Variants in EHBP1L1 observed in about 807,000 individuals in gnomAD.
EHBP1L1 encodes EH domain binding protein 1 like 1, also known as EH domain-binding protein 1-like protein 1.
A neutral mutation model predicts 151.1 loss-of-function variants in EHBP1L1; 122 were observed. The ratio of observed to expected loss-of-function variants is 0.81; its 90% CI spans 0.70 to 0.94. EHBP1L1 has a LOEUF of 0.94. Among genes scored for constraint, EHBP1L1 ranks in the 40% least tolerant of loss-of-function variants. The pLI, the probability that EHBP1L1 is intolerant of heterozygous loss-of-function variation, is 0.00. For synonymous variants in EHBP1L1, 878 were observed against 810.1 expected, an observed-to-expected ratio of 1.08 and a Z score of -1.42; for missense variants, 1,941 against 1,959.8, an observed-to-expected ratio of 0.99 and a Z score of 0.18.
rs1429315099 is a variant in EHBP1L1, at chr11:65,576,364, T to A, written c.62T>A (p.Val21Glu). ...VGKRAAKFQFVACYHELVLEC... is the reference protein window; with the variant it reads ...VGKRAAKFQFEACYHELVLEC... ...AAGCGGGCGGCCAAGTTCCAGTTCG[T>A]GGCCTGTTACCACGAGCTAGTGTTG... Residue 21 changes from valine to glutamate, a missense_variant, in exon 1 of 19, where the codon GTG (valine) becomes GAG (glutamate). Coordinates refer to ENST00000309295, the MANE Select transcript of EHBP1L1 (RefSeq NM_001099409.3). The A allele has an allele frequency of 6.3e-7, 1 of 1,598,266 alleles. No individual in the cohort carries two copies. Among genetic ancestry groups the A allele is most frequent in the Non-Finnish European group, 8.5e-7 (1 of 1,172,986 alleles).
chr11:65,590,326 C>G, intron 15 of EHBP1L1, 116 bp downstream of exon 15: 1 of 1,529,686 alleles, frequency 6.5e-7, no homozygotes, highest in South Asian at 1.2e-5. Flanking sequence ...CATCAGCGTT[C>G]CCATTTTACA....
rs1270050071 is a variant in EHBP1L1 at position 65,583,228 on chromosome 11, A to G, written c.2556A>G (p.Ser852=). Residue 852 remains serine, a synonymous_variant, in exon 9 of 19, where the codon TCA becomes TCG. Coordinates refer to ENST00000309295, the MANE Select transcript of EHBP1L1 (RefSeq NM_001099409.3). Reference sequence around the variant, plus strand: ...CAGAGGTCGGGGGTTCAGGGATCTCAGGGCCCGAGGCTGGAATGGCAGAGG... The same window carrying G: ...CAGAGGTCGGGGGTTCAGGGATCTCGGGGCCCGAGGCTGGAATGGCAGAGG... ...QETEVGGSGI[S]GPEAGMAEAR... The G allele has an allele frequency of 6.2e-7, 1 of 1,613,488 alleles. No homozygotes were observed. Among genetic ancestry groups the G allele is most frequent in the South Asian group, 1.1e-5 (1 of 91,086 alleles).
rs1403343258 is a variant in EHBP1L1, at chr11:65,592,360, G to A, written c.*58G>A. ...CGTCCCCGGCGTCCGCCGCCGCCCC[G>A]GGCCTGCGCTGCGGACGACCCGGCC... is the stretch of plus-strand genomic sequence containing the variant. On this transcript the variant is annotated 3_prime_UTR_variant, in exon 19 of 19. Transcript: ENST00000309295. The A allele has an allele frequency of 8.9e-6, 11 of 1,241,656 alleles. No homozygotes were observed. Among genetic ancestry groups the A allele is most frequent in the Non-Finnish European group, 1.1e-5 (11 of 986,160 alleles). 76.9% of individuals were successfully genotyped at this position (1,241,656 alleles called of 1,614,324 possible).
chr11:65,589,322 G>T (rs2135319884), intron 12 of EHBP1L1, among the ~76,000 whole-genome samples: 1 of 152,342 alleles, frequency 6.6e-6, no homozygotes, highest in Non-Finnish European at 1.5e-5. Context: ...GAACCAGGAG[G>T]TGGAGGTTGC....
chr11:65,589,858 G>A (rs769353659), intron 13 of EHBP1L1, 38 bp downstream of exon 13: 4 of 1,547,180 alleles, frequency 2.6e-6, no homozygotes, highest in East Asian at 4.8e-5. Flanking sequence ...AGTTCAGGCT[G>A]CTCACAAAGC....
intron 16 of EHBP1L1, 37 bp from the exon 17 acceptor site, chr11:65,591,763 G>GCCCC: frequency 2.7e-6 from 3 of 1,128,586 alleles, no homozygotes; most frequent in South Asian, 1.3e-5. Context: ...TTCCTGAACT[G>GCCCC]CCACCCCCCC....
chr11:65,579,173 T>TG (rs1857467714), intron 2 of EHBP1L1, 38 bp downstream of exon 2: 1 of 1,434,178 alleles, frequency 7.0e-7, no homozygotes, highest in East Asian at 2.6e-5. Context: ...AGGTTAGGGA[T>TG]GGGGGCCGGT....
rs778110943 is a variant in EHBP1L1, at chr11:65,582,010, G to A, written c.1338G>A (p.Met446Ile). 3.7e-6 allele frequency: 6 copies of A among 1,613,618 alleles called. No individual in the cohort carries two copies. The highest frequency in any genetic ancestry group is 5.1e-6 in the Non-Finnish European group (6 of 1,179,866). The change falls in exon 9 of 19, where the codon ATG becomes ATA. Residue 446 changes from methionine to isoleucine, a missense_variant. By Grantham distance (10) the Met-to-Ile change is conservative. Transcript: ENST00000309295. Reference sequence around the variant, plus strand: ...AGGGACCAGAGGCGACAGGGGTGATGCCTGAGGCAAGATGCAGGGGGACCC... The same window carrying A: ...AGGGACCAGAGGCGACAGGGGTGATACCTGAGGCAAGATGCAGGGGGACCC... ...DTKGPEATGV[M>I]PEARCRGTPE... is the part of the protein sequence containing the mutation.
rs761832646 is a variant in EHBP1L1, at chr11:65,584,565, A to C, written c.3300+31A>C. 5.6e-6 allele frequency: 9 copies of C among 1,603,622 alleles called. No individual in the cohort carries two copies. The South Asian group carries it at 1.0e-4, about 18-fold the overall frequency. On this transcript the variant is annotated intron_variant, in intron 11 of 18. Coordinates refer to ENST00000309295, the MANE Select transcript of EHBP1L1 (RefSeq NM_001099409.3). ...ATGGGGTGGGGGACTGCCTGGAGGG[A>C]AGGAGGGTCTGGAGAGCCAGGCTCT...
rs758242411 is a variant in EHBP1L1 at position 65,581,733 on chromosome 11, A to G, written c.1061A>G (p.His354Arg). Residue 354 changes from histidine (H) to arginine (R), a missense_variant, in exon 9 of 19, where the codon CAT becomes CGT. His to Arg is a conservative substitution (Grantham distance 29). Coordinates refer to ENST00000309295, the MANE Select transcript of EHBP1L1 (RefSeq NM_001099409.3). ...TGCCCTCAGGAAGGGACAGAAGCCC[A>G]TGGAGCTAGGCTGGGCCCGAGCATT... ...QACPQEGTEA[H>R]GARLGPSIED... 4.4e-6 allele frequency: 7 copies of G among 1,599,718 alleles called. No homozygotes were observed. Among genetic ancestry groups the G allele is most frequent in the Admixed American group, 1.7e-5 (1 of 57,406 alleles).
chr11:65,576,226 G>A lies in EHBP1L1; in HGVS notation c.-77G>A. ...GGCGGGCGGCGCGGACAGGCCATGG[G>A]GACCCGGGCCGGGCCAGCGGTGGCG... On this transcript the variant is annotated 5_prime_UTR_variant, in exon 1 of 19. Coordinates refer to ENST00000309295, the MANE Select transcript of EHBP1L1 (RefSeq NM_001099409.3). 7.3e-7 allele frequency: 1 copy of A among 1,364,326 alleles called. No individual in the cohort carries two copies. Among genetic ancestry groups the A allele is most frequent in the Non-Finnish European group, 9.7e-7 (1 of 1,035,384 alleles). 84.5% of individuals were successfully genotyped at this position (1,364,326 alleles called of 1,614,324 possible).
At chr11:65,584,859 G>A (rs1223245666) in intron 11 of EHBP1L1, 100 bp from the exon 12 acceptor site, 1 of 1,447,224 alleles carries the variant, frequency 6.9e-7, no homozygotes, top group African/African-American at 1.4e-5. Flanking sequence ...CAAAACCCGG[G>A]GTGCCAATCC....
Position 65,582,112 on chromosome 11 carries a change from G to A in EHBP1L1, c.1440G>A (p.Leu480=). ...TRDEAPSGLS[L]PPAEPAGHSG... ...ATGAGGCTCCCTCAGGCCTGAGCCT[G>A]CCCCCAGCGGAGCCTGCAGGGCACT... Residue 480 remains leucine, a synonymous_variant, in exon 9 of 19, where the codon CTG becomes CTA. Coordinates refer to ENST00000309295, the MANE Select transcript of EHBP1L1 (RefSeq NM_001099409.3). 3 of 1,600,688 alleles carry A rather than the reference G, an allele frequency of 1.9e-6. No individual in the cohort carries two copies. In the South Asian group the frequency reaches 3.3e-5, roughly 18 times the overall value.
Position 65,576,222 on chromosome 11 carries a change from A to C in EHBP1L1, c.-81A>C. 7.5e-7 allele frequency: 1 copy of C among 1,331,422 alleles called. No individual in the cohort carries two copies. Among genetic ancestry groups the C allele is most frequent in the Non-Finnish European group, 9.9e-7 (1 of 1,007,766 alleles). 82.5% of individuals were successfully genotyped at this position (1,331,422 alleles called of 1,614,324 possible). On this transcript the variant is annotated 5_prime_UTR_variant, in exon 1 of 19. An upstream start codon of the reference 5' UTR is lost. Coordinates refer to ENST00000309295, the MANE Select transcript of EHBP1L1 (RefSeq NM_001099409.3). ...ACGGGGCGGGCGGCGCGGACAGGCCATGGGGACCCGGGCCGGGCCAGCGGT... is the reference window on the plus strand; with the variant it reads ...ACGGGGCGGGCGGCGCGGACAGGCCCTGGGGACCCGGGCCGGGCCAGCGGT...
rs2848735 is a variant in EHBP1L1 at position 65,584,902 on chromosome 11, G to A, written c.3301-57G>A. ...CCCCTCCGTGGGGCGGCACTGCAGC[G>A]TTGCCGGGTGGCGCGGGCCACCGCC... On this transcript the variant is annotated intron_variant, in intron 11 of 18. Transcript: ENST00000309295. 3.5e-3 allele frequency: 5,318 copies of A among 1,523,136 alleles called. 150 individuals carry two copies. The African/African-American group carries it at 0.062, about 18-fold the overall frequency. 94.4% of individuals were successfully genotyped at this position (1,523,136 alleles called of 1,614,324 possible).
rs1379748063 is a variant in EHBP1L1, at chr11:65,581,357, A to G, written c.850A>G (p.Thr284Ala). The change falls in exon 8 of 19, where the codon ACC becomes GCC. Residue 284 changes from threonine to alanine, a missense_variant. Transcript: ENST00000309295. ...CCCTGAGGCCCCAAGGCCCCCGGAA[A>G]CCTCACCAGAGATGAGGTGAGCTTT... ...VGPEAPRPPE[T>A]SPEMRSSRQP... The G allele has an allele frequency of 6.4e-7, 1 of 1,571,730 alleles. No homozygotes were observed. The highest frequency in any genetic ancestry group is 2.0e-5 in the Admixed American group (1 of 50,998).
intron 12 of EHBP1L1, among the ~76,000 whole-genome samples, chr11:65,586,219 A>G (rs1011955858): frequency 3.3e-5 from 5 of 152,172 alleles, no homozygotes; most frequent in African/African-American, 1.2e-4. Flanking sequence ...GTCATCCCCT[A>G]TGGGTTGTAG....
Position 65,584,359 on chromosome 11 carries a change from C to A in EHBP1L1, c.3212C>A (p.Ala1071Asp). The change falls in exon 10 of 19, where the codon GCC (alanine) becomes GAC (aspartate). Residue 1071 changes from alanine (A) to aspartate (D), a missense_variant. Coordinates refer to ENST00000309295, the MANE Select transcript of EHBP1L1 (RefSeq NM_001099409.3). ...ACCACATCCTGGCGCAACGGCTTGG[C>A]CTTCTGTGCCATCCTGCACCGATTC... ...NFTTSWRNGLAFCAILHRFYP... is the reference protein window; with the variant it reads ...NFTTSWRNGLDFCAILHRFYP... The A allele has an allele frequency of 6.2e-7, 1 of 1,609,710 alleles. No individual in the cohort carries two copies. Among genetic ancestry groups the A allele is most frequent in the Non-Finnish European group, 8.5e-7 (1 of 1,177,328 alleles).
intron 13 of EHBP1L1, 25 bp from the exon 14 acceptor site, chr11:65,589,911 G>A (rs1253022531): frequency 2.6e-6 from 4 of 1,542,388 alleles, no homozygotes; most frequent in East Asian, 2.3e-5. Context: ...GTTAGGGGGT[G>A]CCTTATCATC....
Sources: allele counts gnomAD v4.1 joint callset (sites outside exome capture counted in the v4.1 genomes callset), GRCh38; gene constraint gnomAD v4.1.1; transcripts MANE v1.5; gene names NCBI Gene and HGNC (gene_info 2026-07-23, HGNC 2026-07-21).